TET1: variants seen among roughly 807,000 people sequenced by gnomAD.
TET1 encodes methylcytosine dioxygenase TET1.
In TET1, 13 loss-of-function variants were observed where a neutral mutation model predicts 148.7. That is an observed-to-expected ratio of 0.09 (90% CI 0.06 to 0.14). The LOEUF is 0.14. TET1 is among the 10% of genes least tolerant of loss of function. The pLI is 1.00. For missense variants in TET1, 2,182 were observed against 2,553.8 expected (o/e 0.85, Z 3.14); for synonymous variants, 907 against 937.2 (o/e 0.97, Z 0.59).
chr10:68,595,609 C>CTTTT (rs1564958558), intron 2 of TET1, among the ~76,000 whole-genome samples: 4 of 89,418 alleles, frequency 4.5e-5, no homozygotes, highest in South Asian at 4.4e-4. Flanking sequence ...ACACACACAG[C>CTTTT]TTCTTTTTTT....
At chr10:68,643,404 A>C (rs1468750606) in intron 3 of TET1, among the ~76,000 whole-genome samples, 1 of 152,208 alleles carries the variant, frequency 6.6e-6, no homozygotes, top group Non-Finnish European at 1.5e-5. Context: ...TGAACTTACT[A>C]TACAGTGAGA....
chr10:68,619,486 G>C (rs2054339675), intron 3 of TET1, among the ~76,000 whole-genome samples: 1 of 152,088 alleles, frequency 6.6e-6, no homozygotes, highest in Admixed American at 6.6e-5. Flanking sequence ...AAGTGCTGGG[G>C]TTACGGGTGT....
intron 6 of TET1, among the ~76,000 whole-genome samples, chr10:68,661,471 TCAAA>T (rs71019050): frequency 5.6e-4 from 85 of 151,798 alleles, no homozygotes; most frequent in Non-Finnish European, 9.7e-4. Flanking sequence ...TTGGGTATAC[TCAAA>T]CTAAGAGTTA....
chr10:68,580,313 ATTT>A (rs1163318028), intron 2 of TET1, among the ~76,000 whole-genome samples: 320 of 60,410 alleles, frequency 5.3e-3, no homozygotes, highest in African/African-American at 0.021. Flanking sequence ...ATTATATTCA[ATTT>A]TTTTTTTTTT....
chr10:68,586,561 C>T (rs779996431), intron 2 of TET1, among the ~76,000 whole-genome samples: 2 of 150,428 alleles, frequency 1.3e-5, no homozygotes, highest in Non-Finnish European at 2.9e-5. Context: ...TCTTGAACTC[C>T]CGGCCTCAAG....
intron 3 of TET1, among the ~76,000 whole-genome samples, chr10:68,633,000 G>A (rs1418924314): frequency 1.3e-5 from 2 of 151,714 alleles, no homozygotes; most frequent in Admixed American, 6.6e-5. Context: ...CTTGTCTAAC[G>A]TGGTGAAACC....
chr10:68,690,084 A>G (rs1158432809), intron 11 of TET1, among the ~76,000 whole-genome samples: 4 of 152,216 alleles, frequency 2.6e-5, no homozygotes, highest in Admixed American at 1.3e-4. Context: ...TTTTTAAAAT[A>G]TAGGGTCATA....
In TET1 at chr10:68,633,802, T is replaced by C. The variant is rs778553997; in HGVS notation, c.1969-10896T>C. ...CCCAGTTATATGAAAGTATAAAATA[T>C]GATGAAAAAGGTAAAAATATAGAAC... is the stretch of plus-strand genomic sequence containing the variant. On this transcript the variant is annotated intron_variant, in intron 3 of 11. Transcript: ENST00000373644. Among the ~76,000 whole-genome samples the C allele has an allele frequency of 5.9e-5, 9 of 152,174 alleles. No homozygotes were observed. In the East Asian group the frequency reaches 1.4e-3, roughly 23 times the overall value.
At position 68,636,120 on chromosome 10, in the gene TET1, G is replaced by T. The variant is rs188245120; in HGVS notation, c.1969-8578G>T. Among the ~76,000 whole-genome samples, 5 of 152,224 alleles carry T rather than the reference G, an allele frequency of 3.3e-5. No individual in the cohort carries two copies. The East Asian group carries it at 9.6e-4, about 29-fold the overall frequency. ...GTAGAATGACAGTTTGAGGCAGATTGGGTGGTCTTAGAAGGTTTTTCCTCC... is the reference window on the plus strand; with the variant it reads ...GTAGAATGACAGTTTGAGGCAGATTTGGTGGTCTTAGAAGGTTTTTCCTCC... On this transcript the variant is annotated intron_variant, in intron 3 of 11. Transcript: ENST00000373644.
intron 2 of TET1, among the ~76,000 whole-genome samples, chr10:68,595,982 A>G (rs1194806638): frequency 2.1e-3 from 91 of 43,510 alleles, no homozygotes; most frequent in South Asian, 0.01. Context: ...ACACACATAT[A>G]TACACACACA....
At chr10:68,637,539 T>TTTTTTTTTTTTTTTTTTTTC (rs2054672119) in intron 3 of TET1, among the ~76,000 whole-genome samples, 4 of 147,920 alleles carry the variant, frequency 2.7e-5, no homozygotes, top group African/African-American at 1.0e-4. Flanking sequence ...TTTTTTTTTT[T>TTTTTTTTTTTTTTTTTTTTC]AAGAGACAGA....
intron 2 of TET1, among the ~76,000 whole-genome samples, chr10:68,578,931 T>A (rs986133325): frequency 6.6e-6 from 1 of 152,176 alleles, no homozygotes. Context: ...GTGGGAAGAT[T>A]GCGTGAACCT....
At chr10:68,595,434 C>T (rs916448480) in intron 2 of TET1, among the ~76,000 whole-genome samples, 5 of 151,828 alleles carry the variant, frequency 3.3e-5, no homozygotes, top group Middle Eastern at 3.2e-3. Context: ...GTGAATTACT[C>T]CTGAGATTAA....
chr10:68,646,094 C>T lies in TET1; in HGVS notation c.3365C>T (p.Thr1122Ile), dbSNP rs1348718356. 2 of 1,613,948 alleles carry T rather than the reference C, an allele frequency of 1.2e-6. No individual in the cohort carries two copies. The highest frequency in any genetic ancestry group is 1.7e-6 in the Non-Finnish European group (2 of 1,179,982). ...VQQKYNQEKG[T>I]IQQKPPSSVH... ...CAAAAATACAATCAGGAGAAGGGCA[C>T]AATACAACAGAAACCACCTTCAAGT... is the stretch of plus-strand genomic sequence containing the variant. The change falls in exon 4 of 12, where the codon ACA becomes ATA. Residue 1122 changes from threonine to isoleucine, a missense_variant. Transcript: ENST00000373644.
chr10:68,575,862 A>T (rs1042476986), intron 2 of TET1, among the ~76,000 whole-genome samples: 17 of 151,462 alleles, frequency 1.1e-4, no homozygotes, highest in Non-Finnish European at 2.2e-4. Flanking sequence ...TCTACTAAAA[A>T]TACAAAAATT....
chr10:68,638,553 A>T (rs2133056059), intron 3 of TET1, among the ~76,000 whole-genome samples: 1 of 152,262 alleles, frequency 6.6e-6, no homozygotes, highest in Non-Finnish European at 1.5e-5. Context: ...AAAAATGTCT[A>T]AAAAAGCCTG....
At chr10:68,676,554 G>T (rs968808347) in intron 8 of TET1, among the ~76,000 whole-genome samples, 4 of 151,672 alleles carry the variant, frequency 2.6e-5, no homozygotes, top group African/African-American at 9.7e-5. Context: ...GATTACAGGC[G>T]TAAGCCACCG....
rs2055623737 is a variant in TET1, at chr10:68,693,919, A to G, written c.*2105A>G. 1 of 230,810 alleles carries G rather than the reference A, an allele frequency of 4.3e-6. No homozygotes were observed. Among genetic ancestry groups the G allele is most frequent in the Non-Finnish European group, 8.6e-6 (1 of 116,686 alleles). 14.3% of individuals were successfully genotyped at this position (230,810 alleles called of 1,614,324 possible). A position where few individuals can be genotyped will look rare whatever the true frequency, so the allele number is the denominator to read the frequency against. On this transcript the variant is annotated 3_prime_UTR_variant, in exon 12 of 12. Transcript: ENST00000373644. The stretch of plus-strand genomic sequence containing the variant: ...CTACTCATTCTTCGAGTCTACACTT[A>G]TTGAATGCCTGCAAAATCTAAGTAT...
intron 7 of TET1, among the ~76,000 whole-genome samples, chr10:68,667,654 G>A (rs554826306): frequency 6.6e-6 from 1 of 151,898 alleles, no homozygotes; most frequent in East Asian, 1.9e-4. Flanking sequence ...TGAGGCAGGA[G>A]AATGGTGTGA....
Sources: gnomAD v4.1 joint callset for allele counts (sites outside exome capture counted in the v4.1 genomes callset) on GRCh38, gnomAD v4.1.1 for gene constraint, MANE v1.5 for transcripts, NCBI Gene and HGNC (gene_info 2026-07-23, HGNC 2026-07-21) for gene names.